Variants in PFKFB2 observed in about 807,000 individuals in gnomAD.
PFKFB2 encodes 6-phosphofructo-2-kinase/fructose-2,6-biphosphatase 2.
In PFKFB2, 53 loss-of-function variants were observed where a neutral mutation model predicts 68.0. The ratio of observed to expected loss-of-function variants is 0.78; its 90% CI spans 0.63 to 0.98. The LOEUF is 0.98. Ranked by LOEUF, PFKFB2 falls within the 50% of genes least tolerant of loss-of-function variation. PFKFB2 has a pLI of 0.00. For missense variants in PFKFB2, 451 were observed against 642.0 expected (o/e 0.70, Z 3.22); for synonymous variants, 222 against 227.6 (o/e 0.98, Z 0.22).
At chr1:207,059,355 A>C (rs1683019402) in intron 2 of PFKFB2, among the ~76,000 whole-genome samples, 1 of 152,176 alleles carries the variant, frequency 6.6e-6, no homozygotes, top group Non-Finnish European at 1.5e-5. Flanking sequence ...AAGTGCAGGT[A>C]ATGAGCCAAA....
chr1:207,071,375 G>C (rs1235933413), intron 13 of PFKFB2, 125 bp downstream of exon 13: 1 of 1,052,464 alleles, frequency 9.5e-7, no homozygotes, highest in Non-Finnish European at 1.5e-6. Context: ...AGTGCCTTCT[G>C]TTTTGAAAGG....
At chr1:207,078,941 C>T (rs1210492257), downstream of PFKFB2, 1 of 1,610,620 alleles carries the variant, frequency 6.2e-7, no homozygotes, top group East Asian at 2.2e-5. Context: ...GTCTCTTCCT[C>T]TCTGGCTCGT....
chr1:207,062,634 G>T lies in PFKFB2; in HGVS notation c.226G>T (p.Val76Leu), dbSNP rs1310257702. 6.2e-7 allele frequency: 1 copy of T among 1,613,934 alleles called. No individual in the cohort carries two copies. Among genetic ancestry groups the T allele is most frequent in the Non-Finnish European group, 8.5e-7 (1 of 1,179,958 alleles). Residue 76 changes from valine (V) to leucine (L), a missense_variant, in exon 4 of 15, where the codon GTG (valine) becomes TTG (leucine). Transcript: ENST00000367080. ...GTCTTCTACAGTGTTTAATCTTGGG[G>T]TGTATCGGCGTGAAGCAGTCAAGTC... ...GVPTKVFNLG[V>L]YRREAVKSYK...
chr1:207,065,442 C>T (rs545109709), intron 8 of PFKFB2: 74 of 310,214 alleles, frequency 2.4e-4, no homozygotes, highest in South Asian at 1.4e-3. Context: ...CTGCTGCCCC[C>T]GGGGCTCAGG....
rs890267250 is a variant in PFKFB2 at position 207,075,218 on chromosome 1, G to T, written c.*2847G>T. 21 of 985,320 alleles carry T rather than the reference G, an allele frequency of 2.1e-5. No homozygotes were observed. Among genetic ancestry groups the T allele is most frequent in the Middle Eastern group, 1.0e-3 (2 of 1,936 alleles). The allele number at this position is 985,320 out of a possible 1,614,324, so 61.0% of individuals were successfully genotyped here. ...ACAGGTCACTGGGATGTTCATTCTG[G>T]CTCTCAGCCTGCTGTTATTTCCCCA... On this transcript the variant is annotated 3_prime_UTR_variant, in exon 15 of 15. Coordinates refer to ENST00000367080, the MANE Select transcript of PFKFB2 (RefSeq NM_006212.2).
upstream of PFKFB2, chr1:207,049,185 A>C (rs1258548966): frequency 1.2e-6 from 2 of 1,613,994 alleles, no homozygotes; most frequent in Non-Finnish European, 1.7e-6. Flanking sequence ...GTGCTTGTAC[A>C]AGAACAATAT....
At chr1:207,053,208 G>A (rs546027575), upstream of PFKFB2, 1 of 152,348 alleles carries the variant, frequency 6.6e-6, no homozygotes, top group African/African-American at 2.4e-5. Flanking sequence ...TTCTCTCCAG[G>A]TGAGGACCTA....
chr1:207,045,343 T>C (rs760201213), intron 2 of PFKFB2: 2 of 152,516 alleles, frequency 1.3e-5, no homozygotes, highest in Non-Finnish European at 2.9e-5. Flanking sequence ...GTTACTGAAA[T>C]TGAGTTCTAC....
upstream of PFKFB2, among the ~76,000 whole-genome samples, chr1:207,052,688 A>G (rs1682787291): frequency 6.6e-6 from 1 of 152,076 alleles, no homozygotes; most frequent in Non-Finnish European, 1.5e-5. Flanking sequence ...AAACAAAAAA[A>G]ACTCCAATGG....
At chr1:207,038,008 T>C (rs1682410726) in intron 1 of PFKFB2, among the ~76,000 whole-genome samples, 1 of 152,220 alleles carries the variant, frequency 6.6e-6, no homozygotes. Context: ...GTTACTGTAG[T>C]AGCCTCCTCC....
At chr1:207,066,788 G>C (rs1012287570) in intron 8 of PFKFB2, among the ~76,000 whole-genome samples, 1 of 151,972 alleles carries the variant, frequency 6.6e-6, no homozygotes, top group Non-Finnish European at 1.5e-5. Flanking sequence ...TGAGTAGCTG[G>C]GATTACAGGC....
chr1:207,038,606 T>C (rs2842740), intron 1 of PFKFB2, among the ~76,000 whole-genome samples: 17,040 of 152,168 alleles, frequency 0.11, 3,104 homozygotes, highest in African/African-American at 0.38. Context: ...TTAAATGTCA[T>C]CTTCTCAAAG....
In PFKFB2 at chr1:207,076,181, GAC is replaced by G. The variant is rs1683616518; in HGVS notation, c.*3813_*3814del. 1.0e-6 allele frequency: 1 copy of G among 983,902 alleles called. No individual in the cohort carries two copies. The highest frequency in any genetic ancestry group is 1.2e-6 in the Non-Finnish European group (1 of 828,920). The allele number at this position is 983,902 out of a possible 1,614,324, so 60.9% of individuals were successfully genotyped here. A position where few individuals can be genotyped will look rare whatever the true frequency, so the allele number is the denominator to read the frequency against. On this transcript the variant is annotated 3_prime_UTR_variant, in exon 15 of 15. Coordinates refer to ENST00000367080, the MANE Select transcript of PFKFB2 (RefSeq NM_006212.2). ...TTGCAACCCACATTTGGTCTTCAGA[GAC>G]ACTGGCATTTTGAAGAAACATATGA...
At chr1:207,065,321 T>C (rs1370252551) in intron 8 of PFKFB2, 161 bp downstream of exon 8, 2 of 984,282 alleles carry the variant, frequency 2.0e-6, no homozygotes, top group Non-Finnish European at 2.4e-6. Context: ...TTTATGTGGA[T>C]TGCATCTTGT....
intron 8 of PFKFB2, among the ~76,000 whole-genome samples, chr1:207,067,115 C>T (rs911562968): frequency 3.9e-5 from 6 of 152,194 alleles, no homozygotes; most frequent in African/African-American, 1.4e-4. Flanking sequence ...GCTCGTCGTG[C>T]CATATTCTGG....
intron 8 of PFKFB2, among the ~76,000 whole-genome samples, chr1:207,065,479 T>A (rs1300569339): frequency 6.6e-6 from 1 of 151,356 alleles, no homozygotes. Context: ...GCCTCCTGAG[T>A]AGCTGGGACC....
Position 207,075,731 on chromosome 1 carries a change from G to A in PFKFB2, c.*3360G>A, listed in dbSNP as rs1298496228. 3 of 973,820 alleles carry A rather than the reference G, an allele frequency of 3.1e-6. No individual in the cohort carries two copies. The highest frequency in any genetic ancestry group is 3.7e-6 in the Non-Finnish European group (3 of 819,446). 60.3% of individuals were successfully genotyped at this position (973,820 alleles called of 1,614,324 possible). ...TTGAGACCAGCCTGGGCAATATAGT[G>A]AGACCTCACCTCTAAAAAAGTTTTT... On this transcript the variant is annotated 3_prime_UTR_variant, in exon 15 of 15. Coordinates refer to ENST00000367080, the MANE Select transcript of PFKFB2 (RefSeq NM_006212.2).
chr1:207,057,302 CAAAAAAAAAAA>C (rs748726221), intron 2 of PFKFB2, among the ~76,000 whole-genome samples: 2 of 40,402 alleles, frequency 5.0e-5, no homozygotes, highest in South Asian at 1.1e-3. Context: ...AAAAAAACTA[CAAAAAAAAAAA>C]AAAAAAAAAA....
upstream of PFKFB2, among the ~76,000 whole-genome samples, chr1:207,050,175 G>A (rs761795050): frequency 4.6e-5 from 7 of 152,152 alleles, no homozygotes; most frequent in African/African-American, 7.2e-5. Flanking sequence ...TTTTGATATG[G>A]CACAGAAATA....
Sources: allele counts gnomAD v4.1 joint callset (sites outside exome capture counted in the v4.1 genomes callset), GRCh38; gene constraint gnomAD v4.1.1; transcripts MANE v1.5; gene names NCBI Gene and HGNC (gene_info 2026-07-23, HGNC 2026-07-21).